Variants in AGBL4 observed in about 807,000 individuals in gnomAD.
The protein encoded by AGBL4 is AGBL carboxypeptidase 4.
Under a neutral mutation model 66.4 loss-of-function variants are expected in AGBL4, and 58 were observed. That is an observed-to-expected ratio of 0.87 (90% CI 0.71 to 1.09). The LOEUF (loss-of-function observed/expected upper bound fraction) is 1.09, where lower values mean the gene tolerates loss of function less well. Ranked by LOEUF, AGBL4 falls within the 50% of genes least tolerant of loss-of-function variation. The pLI is 0.00. For synonymous variants in AGBL4, 234 were observed against 222.9 expected (o/e 1.05, Z -0.44); for missense variants, 579 against 631.0 (o/e 0.92, Z 0.88).
intron 5 of AGBL4, among the ~76,000 whole-genome samples, chr1:48,953,819 C>A (rs1411661276): frequency 6.6e-6 from 1 of 152,176 alleles, no homozygotes; most frequent in East Asian, 1.9e-4. Flanking sequence ...AAGAGACGGG[C>A]TGCTAACTGG....
At chr1:48,623,985 T>C (rs1645457986) in intron 9 of AGBL4, among the ~76,000 whole-genome samples, 1 of 152,106 alleles carries the variant, frequency 6.6e-6, no homozygotes, top group Non-Finnish European at 1.5e-5. Context: ...TGAGTGACCA[T>C]GGGACATAGA....
At chr1:49,874,314 T>C (rs546840304) in intron 1 of AGBL4, among the ~76,000 whole-genome samples, 2 of 152,014 alleles carry the variant, frequency 1.3e-5, no homozygotes, top group Non-Finnish European at 2.9e-5. Flanking sequence ...ATAAAAAGTC[T>C]AAACCATAAA....
chr1:49,523,549 A>C (rs1727987), intron 3 of AGBL4, among the ~76,000 whole-genome samples: 104,021 of 151,906 alleles, frequency 0.68, 36,498 homozygotes, highest in African/African-American at 0.78. Flanking sequence ...TTCAGATTGA[A>C]CCTAATTTCC....
chr1:49,563,407 C>T (rs1571047464), intron 3 of AGBL4, among the ~76,000 whole-genome samples: 1 of 152,056 alleles, frequency 6.6e-6, no homozygotes, highest in South Asian at 2.1e-4. Flanking sequence ...GGGAATGCTT[C>T]CAGTTTTTGT....
intron 8 of AGBL4, among the ~76,000 whole-genome samples, chr1:48,644,340 C>G (rs1645802353): frequency 6.6e-6 from 1 of 152,162 alleles, no homozygotes; most frequent in Admixed American, 6.5e-5. Context: ...TTTCCCTATC[C>G]CAACCCTCTT....
chr1:48,857,404 T>G lies in AGBL4; in HGVS notation c.634+9787A>C, dbSNP rs192545318. ...GGATCTAATACCTAAATTTAAGAGATAAAGCTATAAAATTCTTAGAAGAGA... is the reference window on the plus strand; with the variant it reads ...GGATCTAATACCTAAATTTAAGAGAGAAAGCTATAAAATTCTTAGAAGAGA... On this transcript the variant is annotated intron_variant, in intron 6 of 13. Coordinates refer to ENST00000371839, the MANE Select transcript of AGBL4 (RefSeq NM_032785.4). 5.9e-5 allele frequency among the ~76,000 whole-genome samples: 9 copies of G among 152,296 alleles called. No individual in the cohort carries two copies. In the East Asian group the frequency reaches 1.7e-3, roughly 29 times the overall value.
chr1:49,127,743 G>C (rs1645795787), intron 4 of AGBL4, among the ~76,000 whole-genome samples: 1 of 152,022 alleles, frequency 6.6e-6, no homozygotes, highest in African/African-American at 2.4e-5. Context: ...AAAAAAGCTA[G>C]GCTTCAGTAA....
intron 1 of AGBL4, among the ~76,000 whole-genome samples, chr1:50,004,957 T>A (rs976007551): frequency 2.6e-5 from 4 of 152,108 alleles, no homozygotes; most frequent in African/African-American, 9.7e-5. Context: ...CCAAATGGAC[T>A]CTTGGAATAT....
At chr1:48,621,594 G>A (rs190104013) in intron 9 of AGBL4, among the ~76,000 whole-genome samples, 6 of 152,210 alleles carry the variant, frequency 3.9e-5, no homozygotes, top group Admixed American at 3.3e-4. Context: ...TTCTTTTTGC[G>A]TATGTTTTAA....
chr1:49,852,977 C>G (rs1253234061), intron 1 of AGBL4, among the ~76,000 whole-genome samples: 2 of 151,956 alleles, frequency 1.3e-5, no homozygotes, highest in African/African-American at 2.4e-5. Context: ...ACACAAGCCC[C>G]CACCCAAATG....
chr1:48,563,243 A>G (rs566787206), intron 11 of AGBL4, among the ~76,000 whole-genome samples: 33 of 152,356 alleles, frequency 2.2e-4, no homozygotes, highest in African/African-American at 7.9e-4. Context: ...TAGCATCACT[A>G]GCAGCAGTCA....
chr1:48,952,532 C>A (rs1657084489), intron 5 of AGBL4, among the ~76,000 whole-genome samples: 1 of 152,162 alleles, frequency 6.6e-6, no homozygotes, highest in Non-Finnish European at 1.5e-5. Flanking sequence ...GATTCAAAAG[C>A]AAGAGACTAA....
chr1:48,723,802 T>C (rs1472706368), intron 6 of AGBL4, among the ~76,000 whole-genome samples: 1 of 152,202 alleles, frequency 6.6e-6, no homozygotes, highest in Non-Finnish European at 1.5e-5. Context: ...TGTCATTCCT[T>C]TTGACCCAGG....
chr1:48,661,623 G>A (rs1646108945), intron 7 of AGBL4, among the ~76,000 whole-genome samples: 1 of 152,144 alleles, frequency 6.6e-6, no homozygotes, highest in African/African-American at 2.4e-5. Flanking sequence ...TTAGTAACAG[G>A]GTCTTCAGAG....
rs181196340 is a variant in AGBL4 at position 49,705,262 on chromosome 1, T to C, written c.158-7825A>G. 2.2e-3 allele frequency among the ~76,000 whole-genome samples: 340 copies of C among 152,270 alleles called. 6 individuals are homozygous for C. Among genetic ancestry groups the C allele is most frequent in the Admixed American group, 0.02 (312 of 15,284 alleles). ...TGGTGTGTAGGAATGCCTGTGAGTT[T>C]TGCACATTGATTTTGTATCCTGTGA... On this transcript the variant is annotated intron_variant, in intron 2 of 13. Coordinates refer to ENST00000371839, the MANE Select transcript of AGBL4 (RefSeq NM_032785.4).
chr1:49,590,566 A>T (rs1001286506), intron 3 of AGBL4, among the ~76,000 whole-genome samples: 1 of 152,066 alleles, frequency 6.6e-6, no homozygotes, highest in Non-Finnish European at 1.5e-5. Context: ...CTCTTAATAC[A>T]TTTCTATATA....
chr1:48,909,968 A>T (rs1042112453), intron 5 of AGBL4, among the ~76,000 whole-genome samples: 34 of 152,012 alleles, frequency 2.2e-4, no homozygotes, highest in Middle Eastern at 3.4e-3. Context: ...TGATTTTCAG[A>T]CTCTCTCTCA....
chr1:49,153,572 C>T (rs1646378696), intron 4 of AGBL4, among the ~76,000 whole-genome samples: 1 of 152,054 alleles, frequency 6.6e-6, no homozygotes, highest in Non-Finnish European at 1.5e-5. Context: ...GCCCTTCCAT[C>T]AATCAAGAGA....
In AGBL4 at chr1:49,622,890, T is replaced by C. The variant is rs189798773; in HGVS notation, c.282+74423A>G. On this transcript the variant is annotated intron_variant, in intron 3 of 13. Transcript: ENST00000371839. ...ATTCCTCTTTTCATCTTATGAATTC[T>C]TTTTTATGCTCCTGATCCAGTTCAA... is the stretch of plus-strand genomic sequence containing the variant. Among the ~76,000 whole-genome samples, 283 of 152,288 alleles carry C rather than the reference T, an allele frequency of 1.9e-3. 2 individuals are homozygous for C. Among genetic ancestry groups the C allele is most frequent in the African/African-American group, 6.4e-3 (268 of 41,570 alleles).
Sources: allele counts gnomAD v4.1 joint callset (sites outside exome capture counted in the v4.1 genomes callset), GRCh38; gene constraint gnomAD v4.1.1; transcripts MANE v1.5; gene names NCBI Gene and HGNC (gene_info 2026-07-23, HGNC 2026-07-21).